KCNH5: variants seen among roughly 807,000 people sequenced by gnomAD.
KCNH5 encodes potassium voltage-gated channel subfamily H member 5.
KCNH5 carries 46 observed loss-of-function variants against 96.1 expected under a neutral mutation model. The observed-to-expected ratio is 0.48, with a 90% CI of 0.38 to 0.61. The LOEUF (loss-of-function observed/expected upper bound fraction) is 0.61, where lower values mean the gene tolerates loss of function less well. KCNH5 is among the 20% of genes least tolerant of loss of function. The probability of loss-of-function intolerance (pLI) is 0.00; values close to 1 mark genes in which losing one functional copy is unlikely to be tolerated. For missense variants in KCNH5, 907 were observed against 1,225.8 expected (o/e 0.74, Z 3.88); for synonymous variants, 439 against 449.8 (o/e 0.98, Z 0.30).
chr14:63,024,183 T>C (rs1891481258), intron 1 of KCNH5, among the ~76,000 whole-genome samples: 1 of 143,854 alleles, frequency 7.0e-6, no homozygotes, highest in Non-Finnish European at 1.5e-5. Flanking sequence ...CACTCCAGCC[T>C]GGGCAATAGA....
At chr14:62,752,890 C>T (rs1885533652) in intron 10 of KCNH5, among the ~76,000 whole-genome samples, 1 of 152,140 alleles carries the variant, frequency 6.6e-6, no homozygotes, top group African/African-American at 2.4e-5. Context: ...CCCAGTCATG[C>T]AGAACTATGA....
chr14:62,794,383 GCAT>G (rs1886496293), intron 9 of KCNH5, among the ~76,000 whole-genome samples: 1 of 151,634 alleles, frequency 6.6e-6, no homozygotes, highest in Non-Finnish European at 1.5e-5. Flanking sequence ...GTTAACCAGA[GCAT>G]CATTTTTTTT....
rs181052349 is a variant in KCNH5, at chr14:62,744,219, T to C, written c.2019+35509A>G. 3.3e-5 allele frequency among the ~76,000 whole-genome samples: 5 copies of C among 152,310 alleles called. No individual in the cohort carries two copies. The East Asian group carries it at 5.8e-4, about 18-fold the overall frequency. On this transcript the variant is annotated intron_variant, in intron 10 of 10. Transcript: ENST00000322893. Reference sequence around the variant, plus strand: ...AAATTAATAAACTTTTCAAAGACTTTAGTTCCAGGACTACTACTTTGTCAC... The same window carrying C: ...AAATTAATAAACTTTTCAAAGACTTCAGTTCCAGGACTACTACTTTGTCAC...
At chr14:62,721,776 C>A (rs998152416) in intron 10 of KCNH5, among the ~76,000 whole-genome samples, 3 of 152,202 alleles carry the variant, frequency 2.0e-5, no homozygotes, top group Non-Finnish European at 4.4e-5. Flanking sequence ...ACAACCCAAA[C>A]ATTACTAATA....
At chr14:62,827,395 A>G (rs2140024000) in intron 8 of KCNH5, among the ~76,000 whole-genome samples, 2 of 152,308 alleles carry the variant, frequency 1.3e-5, no homozygotes, top group South Asian at 4.1e-4. Flanking sequence ...ATTTTTAACA[A>G]AGTCTGCTTG....
At chr14:62,837,376 A>G (rs963596183) in intron 8 of KCNH5, among the ~76,000 whole-genome samples, 3 of 152,218 alleles carry the variant, frequency 2.0e-5, no homozygotes, top group African/African-American at 7.2e-5. Flanking sequence ...ATGGGGAAGT[A>G]TATCTTTCAA....
intron 8 of KCNH5, among the ~76,000 whole-genome samples, chr14:62,819,240 T>A (rs1243827002): frequency 6.6e-6 from 1 of 152,164 alleles, no homozygotes; most frequent in Non-Finnish European, 1.5e-5. Flanking sequence ...GTGCTGGGAT[T>A]ACAGGCATGA....
intron 7 of KCNH5, among the ~76,000 whole-genome samples, chr14:62,857,139 T>G (rs12895668): frequency 6.6e-6 from 1 of 151,912 alleles, no homozygotes; most frequent in Non-Finnish European, 1.5e-5. Context: ...TACATGGCAA[T>G]GACTATTGAT....
chr14:62,955,748 T>G (rs1401570483), intron 6 of KCNH5, among the ~76,000 whole-genome samples: 1 of 152,206 alleles, frequency 6.6e-6, no homozygotes, highest in Non-Finnish European at 1.5e-5. Flanking sequence ...GGCCACGCAG[T>G]AGGGGTCCGT....
chr14:62,794,092 C>T (rs1382532838), intron 9 of KCNH5, among the ~76,000 whole-genome samples: 1 of 151,824 alleles, frequency 6.6e-6, no homozygotes, highest in African/African-American at 2.4e-5. Flanking sequence ...AAACACCTTC[C>T]TCATGGTAAA....
At position 62,822,963 on chromosome 14, in the gene KCNH5, G is replaced by C. The variant is rs375739632; in HGVS notation, c.1570-20382C>G. Among the ~76,000 whole-genome samples, 5 of 152,124 alleles carry C rather than the reference G, an allele frequency of 3.3e-5. No individual in the cohort carries two copies. The East Asian group carries it at 7.7e-4, about 24-fold the overall frequency. ...TCTTTCTATAACAGCATTCCTTCTGGATACCGAAATAATAAACAGAAATTT... is the reference window on the plus strand; with the variant it reads ...TCTTTCTATAACAGCATTCCTTCTGCATACCGAAATAATAAACAGAAATTT... On this transcript the variant is annotated intron_variant, in intron 8 of 10. Coordinates refer to ENST00000322893, the MANE Select transcript of KCNH5 (RefSeq NM_139318.5).
chr14:62,949,993 A>T (rs2140130188), intron 7 of KCNH5, 140 bp downstream of exon 7: 1 of 667,824 alleles, frequency 1.5e-6, no homozygotes, highest in Non-Finnish European at 2.5e-6. Context: ...TTTCTAAGGT[A>T]GATTAAAAAA....
intron 7 of KCNH5, among the ~76,000 whole-genome samples, chr14:62,943,530 C>T (rs1235901648): frequency 6.6e-6 from 1 of 152,012 alleles, no homozygotes; most frequent in Non-Finnish European, 1.5e-5. Context: ...AAGTATTTAC[C>T]AAGCAAATTA....
At chr14:62,849,593 T>C in intron 8 of KCNH5, 60 bp downstream of exon 8, 1 of 1,376,388 alleles carries the variant, frequency 7.3e-7, no homozygotes, top group Non-Finnish European at 1.0e-6. Context: ...CTGGAAAAGC[T>C]TAATGCATCT....
intron 10 of KCNH5, among the ~76,000 whole-genome samples, chr14:62,738,426 G>A (rs1885203596): frequency 6.6e-6 from 1 of 152,156 alleles, no homozygotes; most frequent in Admixed American, 6.5e-5. Flanking sequence ...GTGCAGTTAA[G>A]CTTTCTGGGT....
At chr14:62,723,797 G>C (rs1050819526) in intron 10 of KCNH5, among the ~76,000 whole-genome samples, 6 of 152,214 alleles carry the variant, frequency 3.9e-5, no homozygotes, top group Non-Finnish European at 8.8e-5. Flanking sequence ...TATCAGAATA[G>C]TGTAGCTATT....
At chr14:62,796,657 A>G (rs1450406459) in intron 9 of KCNH5, among the ~76,000 whole-genome samples, 2 of 152,214 alleles carry the variant, frequency 1.3e-5, no homozygotes, top group Non-Finnish European at 2.9e-5. Context: ...GGTCTTGGTT[A>G]ATTTAGAAAG....
intron 3 of KCNH5, among the ~76,000 whole-genome samples, chr14:63,003,630 T>TTA (rs1891070684): frequency 8.4e-6 from 1 of 119,272 alleles, no homozygotes; most frequent in Non-Finnish European, 1.7e-5. Flanking sequence ...ATATATTTTT[T>TTA]TTTTTTTGAG....
At chr14:62,801,179 T>C (rs1886652034) in intron 9 of KCNH5, among the ~76,000 whole-genome samples, 1 of 152,122 alleles carries the variant, frequency 6.6e-6, no homozygotes, top group Non-Finnish European at 1.5e-5. Context: ...TGGTGGATTT[T>C]GCTTTTGTAG....
Sources: gnomAD v4.1 joint callset for allele counts (sites outside exome capture counted in the v4.1 genomes callset) on GRCh38, gnomAD v4.1.1 for gene constraint, MANE v1.5 for transcripts, NCBI Gene and HGNC (gene_info 2026-07-23, HGNC 2026-07-21) for gene names.